Variants in FGD5 observed in about 807,000 individuals in gnomAD.
FGD5 encodes the protein FYVE, RhoGEF and PH domain-containing protein 5.
In FGD5, 28 loss-of-function variants were observed where a neutral mutation model predicts 133.4. The ratio of observed to expected loss-of-function variants is 0.21; its 90% CI spans 0.16 to 0.29. FGD5 has a LOEUF of 0.29. Among genes scored for constraint, FGD5 ranks in the 10% least tolerant of loss-of-function variants. FGD5 has a pLI of 1.00. For synonymous variants in FGD5, 810 were observed against 776.5 expected (o/e 1.04, Z -0.72); for missense variants, 1,858 against 1,895.2 (o/e 0.98, Z 0.36).
At chr3:14,813,156 A>G (rs904031347) in intron 1 of FGD5, among the ~76,000 whole-genome samples, 4 of 151,834 alleles carry the variant, frequency 2.6e-5, no homozygotes, top group African/African-American at 9.7e-5. Context: ...CATGTCTGTT[A>G]TTTTCCGGAA....
In FGD5 at chr3:14,820,876, C is replaced by T. The variant is rs376087695; in HGVS notation, c.1805C>T (p.Pro602Leu). The change falls in exon 1 of 20, where the codon CCG (proline) becomes CTG (leucine). Residue 602 changes from proline to leucine, a missense_variant. Physicochemically the swap from Pro to Leu is moderately conservative, Grantham distance 98. This residue lies in a region of FGD5 where 1,824 missense variants were observed against 1,848.9 expected (regional missense o/e 0.99). Coordinates refer to ENST00000285046, the MANE Select transcript of FGD5 (RefSeq NM_152536.4). ...SGSFSQRNHL[P>L]SSGTSTPSSM... Reference sequence around the variant, plus strand: ...AGTTTCTCCCAGAGAAACCACCTTCCGTCCAGCGGCACCTCCACGCCTTCT... The same window carrying T: ...AGTTTCTCCCAGAGAAACCACCTTCTGTCCAGCGGCACCTCCACGCCTTCT... 41 of 1,613,484 alleles carry T rather than the reference C, an allele frequency of 2.5e-5. No individual in the cohort carries two copies. Among genetic ancestry groups the T allele is most frequent in the East Asian group, 8.9e-5 (4 of 44,850 alleles).
chr3:14,821,400 A>G lies in FGD5; in HGVS notation c.2329A>G (p.Ile777Val), dbSNP rs746571937. The change falls in exon 1 of 20, where the codon ATT (isoleucine) becomes GTT (valine). Residue 777 changes from isoleucine (I) to valine (V), a missense_variant. This residue lies in a region of FGD5 where 1,824 missense variants were observed against 1,848.9 expected (regional missense o/e 0.99). Transcript: ENST00000285046. ...CGCTGACACTTCAGACTATGAGAAC[A>G]TTCCAGCCATGAACTCGGACTATGA... Reference protein sequence around the residue: ...PSADTSDYENIPAMNSDYENI... With the variant: ...PSADTSDYENVPAMNSDYENI... The G allele has an allele frequency of 2.5e-6, 4 of 1,613,852 alleles. No homozygotes were observed. The highest frequency in any genetic ancestry group is 2.2e-5 in the South Asian group (2 of 91,088).
chr3:14,840,683 A>G (rs2036904656), intron 1 of FGD5, among the ~76,000 whole-genome samples: 1 of 152,198 alleles, frequency 6.6e-6, no homozygotes, highest in African/African-American at 2.4e-5. Flanking sequence ...TGGCTCAATC[A>G]GTAGCTTTAT....
Position 14,897,549 on chromosome 3 carries a change from A to G in FGD5, c.2789A>G (p.Asp930Gly). ...GTCATGAGGGCCTTGGATGACATGG[A>G]CCATGAAGGCAGAGACACATTGGCC... ...GAVMRALDDM[D>G]HEGRDTLARE... Residue 930 changes from aspartate (D) to glycine (G), a missense_variant, in exon 5 of 20, where the codon GAC becomes GGC. Transcript: ENST00000285046. The G allele has an allele frequency of 6.2e-7, 1 of 1,605,822 alleles. No homozygotes were observed. Among genetic ancestry groups the G allele is most frequent in the Non-Finnish European group, 8.5e-7 (1 of 1,176,198 alleles).
intron 2 of FGD5, among the ~76,000 whole-genome samples, chr3:14,868,856 C>T (rs116399257): frequency 0.022 from 3,360 of 152,304 alleles, 55 homozygotes; most frequent in Non-Finnish European, 0.035. Context: ...AACATGCAAG[C>T]ACCCTTTCAA....
At chr3:14,817,957 G>A (rs978337929), upstream of FGD5, among the ~76,000 whole-genome samples, 1 of 152,166 alleles carries the variant, frequency 6.6e-6, no homozygotes, top group African/African-American at 2.4e-5. Context: ...GTAGCAGAGA[G>A]ATGCTGAGCT....
chr3:14,822,144 AG>A (rs1245052360), intron 1 of FGD5, among the ~76,000 whole-genome samples: 1 of 152,124 alleles, frequency 6.6e-6, no homozygotes, highest in African/African-American at 2.4e-5. Flanking sequence ...AGAAAATCAG[AG>A]TAGATATTCT....
At chr3:14,853,599 A>G (rs1443415073) in intron 1 of FGD5, among the ~76,000 whole-genome samples, 1 of 128,148 alleles carries the variant, frequency 7.8e-6, no homozygotes, top group Non-Finnish European at 1.6e-5. Context: ...TTGAGGTTGG[A>G]GTGCCCACTG....
intron 9 of FGD5, among the ~76,000 whole-genome samples, chr3:14,904,442 T>C (rs1443052751): frequency 6.6e-6 from 1 of 152,168 alleles, no homozygotes; most frequent in Non-Finnish European, 1.5e-5. Flanking sequence ...GCTTTGGCTA[T>C]TGGGAGCGTT....
intron 1 of FGD5, among the ~76,000 whole-genome samples, chr3:14,855,727 A>G (rs915510469): frequency 2.6e-5 from 4 of 151,270 alleles, no homozygotes; most frequent in Admixed American, 6.6e-5. Flanking sequence ...GTGTGTGTGT[A>G]TGTTTTTTCT....
chr3:14,889,810 C>T (rs753331806), intron 4 of FGD5, among the ~76,000 whole-genome samples: 2 of 151,994 alleles, frequency 1.3e-5, no homozygotes, highest in African/African-American at 2.4e-5. Flanking sequence ...CGGAATCCTT[C>T]GTTCTGTTTA....
chr3:14,833,260 C>T (rs1252581560), intron 1 of FGD5, among the ~76,000 whole-genome samples: 1 of 152,156 alleles, frequency 6.6e-6, no homozygotes, highest in African/African-American at 2.4e-5. Context: ...GATGATGTGA[C>T]TGGTCTCTAT....
At chr3:14,835,131 A>G (rs1575196626) in intron 1 of FGD5, among the ~76,000 whole-genome samples, 1 of 152,282 alleles carries the variant, frequency 6.6e-6, no homozygotes, top group South Asian at 2.1e-4. Context: ...GCCTTAGGAA[A>G]TGGCGAGCCA....
intron 1 of FGD5, among the ~76,000 whole-genome samples, chr3:14,861,961 G>A (rs1044016958): frequency 3.9e-5 from 6 of 152,212 alleles, no homozygotes; most frequent in Non-Finnish European, 8.8e-5. Context: ...GGTGAAGTCA[G>A]AGAGCTCAGG....
chr3:14,870,979 G>C lies in FGD5; in HGVS notation c.2658+6719G>C, dbSNP rs79941506. ...AGTTCTTCGACCAGACATCATGCAA[G>C]ATACAAAACGAGTTCTGTCTGCTCC... is the stretch of plus-strand genomic sequence containing the variant. On this transcript the variant is annotated intron_variant, in intron 2 of 19. Coordinates refer to ENST00000285046, the MANE Select transcript of FGD5 (RefSeq NM_152536.4). Among the ~76,000 whole-genome samples, 53 of 152,312 alleles carry C rather than the reference G, an allele frequency of 3.5e-4. No individual in the cohort carries two copies. In the East Asian group the frequency reaches 9.3e-3, roughly 27 times the overall value.
rs372984078 is a variant in FGD5 at position 14,898,085 on chromosome 3, G to A, written c.3056G>A (p.Arg1019His). Residue 1019 changes from arginine (R) to histidine (H), a missense_variant, in exon 6 of 20, where the codon CGT (arginine) becomes CAT (histidine). Arg to His is a conservative substitution (Grantham distance 29). This residue lies in a region of FGD5 where 1,824 missense variants were observed against 1,848.9 expected (regional missense o/e 0.99). Transcript: ENST00000285046. ...TCTCCCCGGCTGGCAGCTGCTGTCC[G>A]TGAATTTGAGGTGGGTCCCTTGGTC... ...LHSPRLAAAV[R>H]EFEQSVQGGS... 16 of 1,614,008 alleles carry A rather than the reference G, an allele frequency of 9.9e-6. No homozygotes were observed. The highest frequency in any genetic ancestry group is 4.5e-5 in the East Asian group (2 of 44,884).
At chr3:14,923,849 G>C in intron 16 of FGD5, 159 bp from the exon 17 acceptor site, 2 of 937,032 alleles carry the variant, frequency 2.1e-6, no homozygotes, top group East Asian at 5.3e-5. Context: ...GCCTTTGTCT[G>C]TTCCTGCAGG....
At chr3:14,832,459 C>A (rs371095387) in intron 1 of FGD5, among the ~76,000 whole-genome samples, 1 of 152,162 alleles carries the variant, frequency 6.6e-6, no homozygotes, top group Non-Finnish European at 1.5e-5. Flanking sequence ...AGCAACGGAG[C>A]GAGAATTTTA....
At chr3:14,865,181 GCGCCCCCTT>G (rs2037470991) in intron 2 of FGD5, among the ~76,000 whole-genome samples, 1 of 134,598 alleles carries the variant, frequency 7.4e-6, no homozygotes, top group Non-Finnish European at 1.5e-5. Flanking sequence ...AAAGAGTGAA[GCGCCCCCTT>G]CGCCCGCTTC....
Sources: allele counts gnomAD v4.1 joint callset (sites outside exome capture counted in the v4.1 genomes callset), GRCh38; gene constraint gnomAD v4.1.1; regional missense constraint gnomAD v4.1.1; transcripts MANE v1.5; gene names NCBI Gene and HGNC (gene_info 2026-07-23, HGNC 2026-07-21).